Variants in PLEKHM1 observed in about 807,000 individuals in gnomAD.
The protein encoded by PLEKHM1 is pleckstrin homology and RUN domain containing M1.
A neutral mutation model predicts 94.3 loss-of-function variants in PLEKHM1; 28 were observed. That is an observed-to-expected ratio of 0.30 (90% CI 0.22 to 0.41). The LOEUF (loss-of-function observed/expected upper bound fraction) is 0.41, where lower values mean the gene tolerates loss of function less well. Ranked by LOEUF, PLEKHM1 falls within the 10% of genes least tolerant of loss-of-function variation. PLEKHM1 has a pLI of 1.00. For synonymous variants in PLEKHM1, 424 were observed against 581.2 expected (o/e 0.73, Z 3.89); for missense variants, 907 against 1,358.6 (o/e 0.67, Z 5.22).
chr17:45,435,648 C>G (rs1309679749), downstream of PLEKHM1, among the ~76,000 whole-genome samples: 1 of 152,202 alleles, frequency 6.6e-6, no homozygotes, highest in Non-Finnish European at 1.5e-5. Flanking sequence ...GGGTACACCT[C>G]CCCAGAGACC....
At chr17:45,469,584 G>A (rs183057531) in intron 4 of PLEKHM1, among the ~76,000 whole-genome samples, 10 of 152,368 alleles carry the variant, frequency 6.6e-5, no homozygotes, top group African/African-American at 2.4e-4. Context: ...AAGCCTCCCT[G>A]CATCTGCCCT....
chr17:45,446,960 C>T (rs1432660177), intron 8 of PLEKHM1, among the ~76,000 whole-genome samples: 3 of 152,216 alleles, frequency 2.0e-5, no homozygotes, highest in Non-Finnish European at 4.4e-5. Flanking sequence ...TTCGCTGCTG[C>T]TGCTTTAGTG....
chr17:45,468,012 A>G (rs1292849237), intron 5 of PLEKHM1, among the ~76,000 whole-genome samples, 197 bp downstream of exon 5: 1 of 152,090 alleles, frequency 6.6e-6, no homozygotes, highest in Non-Finnish European at 1.5e-5. Context: ...ATGCCAAGAA[A>G]CAGCCGGGCT....
intron 5 of PLEKHM1, among the ~76,000 whole-genome samples, chr17:45,461,120 C>T (rs1012827366): frequency 6.6e-6 from 1 of 152,182 alleles, no homozygotes; most frequent in Non-Finnish European, 1.5e-5. Flanking sequence ...ATCTCCTGAC[C>T]TCATGATCCA....
At chr17:45,469,145 G>C (rs1402056937) in intron 4 of PLEKHM1, among the ~76,000 whole-genome samples, 1 of 152,122 alleles carries the variant, frequency 6.6e-6, no homozygotes, top group Non-Finnish European at 1.5e-5. Flanking sequence ...TCCCCTCAGA[G>C]CTGGACTGGA....
rs1384188858 is a variant in PLEKHM1, at chr17:45,436,284, G to A, written c.*1574C>T. 1.8e-5 allele frequency: 8 copies of A among 454,064 alleles called. No homozygotes were observed. The highest frequency in any genetic ancestry group is 2.2e-5 in the Non-Finnish European group (5 of 226,816). 28.1% of individuals were successfully genotyped at this position (454,064 alleles called of 1,614,324 possible). ...GTGGAGCGTTAATGTGGGCCATGGC[G>A]GTGCATAACCCAGCTCCTGGCTTAG... On this transcript the variant is annotated 3_prime_UTR_variant, in exon 12 of 12. Transcript: ENST00000430334.
At position 45,453,645 on chromosome 17, in the gene PLEKHM1, G is replaced by A; in HGVS notation, c.2207C>T (p.Pro736Leu). The A allele has an allele frequency of 6.2e-7, 1 of 1,612,214 alleles. No homozygotes were observed. The highest frequency in any genetic ancestry group is 1.1e-5 in the South Asian group (1 of 90,874). The change falls in exon 7 of 12, where the codon CCA becomes CTA. Residue 736 changes from proline to leucine, a missense_variant. By Grantham distance (98) the Pro-to-Leu change is moderately conservative. Transcript: ENST00000430334. This position sits in a 1 kb window ranked among gnomAD's most constrained non-coding sequence, Gnocchi z 4.1. ...HGVETIRDILPDTSLGGPSFF... is the reference protein window; with the variant it reads ...HGVETIRDILLDTSLGGPSFF... ...GGATGGGCCCCCAAGGCTGGTGTCTGGCAGGATGTCCCGGATGGTCTCCAC... is the reference window on the plus strand; with the variant it reads ...GGATGGGCCCCCAAGGCTGGTGTCTAGCAGGATGTCCCGGATGGTCTCCAC...
intron 5 of PLEKHM1, 66 bp from the exon 6 acceptor site, chr17:45,458,505 C>T: frequency 1.4e-6 from 2 of 1,481,394 alleles, no homozygotes; most frequent in Non-Finnish European, 1.9e-6. Context: ...GAGTCTCGCT[C>T]TGTTGCCCAG....
chr17:45,440,345 G>A, intron 9 of PLEKHM1, 119 bp from the exon 10 acceptor site: 6 of 998,798 alleles, frequency 6.0e-6, no homozygotes, highest in Non-Finnish European at 7.8e-6. Context: ...CCTGGGCGGG[G>A]CAGGGGCTAG....
At chr17:45,486,373 G>A (rs1402802880) in intron 1 of PLEKHM1, among the ~76,000 whole-genome samples, 2 of 151,360 alleles carry the variant, frequency 1.3e-5, no homozygotes, top group African/African-American at 4.8e-5. Flanking sequence ...ACGAGGTCAG[G>A]AGATCGAGAC....
intron 1 of PLEKHM1, among the ~76,000 whole-genome samples, chr17:45,490,325 G>A (rs2052272686): frequency 6.6e-6 from 1 of 152,086 alleles, no homozygotes. Flanking sequence ...CGGGGCGAAG[G>A]GACGTGGCCG....
intron 1 of PLEKHM1, among the ~76,000 whole-genome samples, chr17:45,485,319 T>C (rs1248475707): frequency 5.3e-5 from 8 of 152,106 alleles, no homozygotes; most frequent in Non-Finnish European, 1.2e-4. Flanking sequence ...CCAGCTTCTC[T>C]GGCTCCGAAA....
chr17:45,457,674 G>C (rs913610687), intron 6 of PLEKHM1, among the ~76,000 whole-genome samples: 2 of 152,068 alleles, frequency 1.3e-5, no homozygotes, highest in Non-Finnish European at 2.9e-5. Context: ...GCAGTGAGCA[G>C]AGATCATGCC....
chr17:45,461,157 G>A (rs111423688), intron 5 of PLEKHM1, among the ~76,000 whole-genome samples: 18,235 of 152,306 alleles, frequency 0.12, 1,527 homozygotes, highest in Middle Eastern at 0.21. Flanking sequence ...AAAGTGCTGG[G>A]ATTGCAGGCA....
intron 5 of PLEKHM1, among the ~76,000 whole-genome samples, chr17:45,465,243 A>C (rs2051284010): frequency 6.6e-6 from 1 of 151,860 alleles, no homozygotes; most frequent in African/African-American, 2.4e-5. Flanking sequence ...ACAAGGAGAC[A>C]AAGAGATAAT....
At chr17:45,458,506 T>C in intron 5 of PLEKHM1, 67 bp from the exon 6 acceptor site, 5 of 1,484,496 alleles carry the variant, frequency 3.4e-6, no homozygotes, top group Non-Finnish European at 4.7e-6. Context: ...AGTCTCGCTC[T>C]GTTGCCCAGG....
chr17:45,478,550 T>C (rs1163604928), intron 2 of PLEKHM1, among the ~76,000 whole-genome samples: 1 of 152,192 alleles, frequency 6.6e-6, no homozygotes, highest in African/African-American at 2.4e-5. Context: ...CCACCTTTTT[T>C]ACATGGACAA....
Position 45,463,515 on chromosome 17 carries a change from C to T in PLEKHM1, c.1308+4694G>A, listed in dbSNP as rs183177248. Among the ~76,000 whole-genome samples, 33 of 152,360 alleles carry T rather than the reference C, an allele frequency of 2.2e-4. No homozygotes were observed. The South Asian group carries it at 3.3e-3, about 15-fold the overall frequency. ...TCAAGTGATTCTCCTACCTCAGCCTCCTGAGTAGCTGGGATAACAGGCTCA... is the reference window on the plus strand; with the variant it reads ...TCAAGTGATTCTCCTACCTCAGCCTTCTGAGTAGCTGGGATAACAGGCTCA... On this transcript the variant is annotated intron_variant, in intron 5 of 11. Transcript: ENST00000430334.
chr17:45,468,840 A>G (rs1391760778), intron 4 of PLEKHM1, among the ~76,000 whole-genome samples: 3 of 152,036 alleles, frequency 2.0e-5, no homozygotes, highest in African/African-American at 7.2e-5. Flanking sequence ...CAGGCGAAAA[A>G]GCTCCCCAGC....
Sources: allele counts gnomAD v4.1 joint callset (sites outside exome capture counted in the v4.1 genomes callset), GRCh38; gene constraint gnomAD v4.1.1; non-coding constraint Gnocchi (gnomAD v3.1); transcripts MANE v1.5; gene names NCBI Gene and HGNC (gene_info 2026-07-23, HGNC 2026-07-21).